The following PRKG1 variants were observed in gnomAD, a reference collection of about 807,000 sequenced individuals.
PRKG1 encodes the protein cGMP-dependent protein kinase 1.
Under a neutral mutation model 88.1 loss-of-function variants are expected in PRKG1, and 35 were observed. The observed-to-expected ratio is 0.40, with a 90% CI of 0.30 to 0.53. The LOEUF (loss-of-function observed/expected upper bound fraction) is 0.53. Ranked by LOEUF, PRKG1 falls within the 20% of genes least tolerant of loss-of-function variation. The pLI is 0.59. For missense variants in PRKG1, 540 were observed against 839.8 expected (o/e 0.64, Z 4.41); for synonymous variants, 303 against 292.5 (o/e 1.04, Z -0.37).
At chr10:52,143,270 G>A (rs935357563) in intron 8 of PRKG1, among the ~76,000 whole-genome samples, 9 of 152,050 alleles carry the variant, frequency 5.9e-5, no homozygotes, top group African/African-American at 2.2e-4. Context: ...TTGTTATAGA[G>A]CAGGGTCCCT....
At chr10:51,256,409 A>G (rs957996441) in intron 2 of PRKG1, among the ~76,000 whole-genome samples, 4 of 152,186 alleles carry the variant, frequency 2.6e-5, no homozygotes, top group African/African-American at 9.7e-5. Flanking sequence ...AATGTACTGT[A>G]CTTCTAGGTA....
chr10:51,726,396 A>G (rs1646431377), intron 3 of PRKG1, among the ~76,000 whole-genome samples: 4 of 152,266 alleles, frequency 2.6e-5, no homozygotes, highest in Admixed American at 1.3e-4. Context: ...ATGTAAAACC[A>G]TTGAAACTTC....
At chr10:50,995,622 C>T (rs1197766575) in intron 1 of PRKG1, among the ~76,000 whole-genome samples, 1 of 152,172 alleles carries the variant, frequency 6.6e-6, no homozygotes, top group Non-Finnish European at 1.5e-5. Context: ...AATGAATATA[C>T]TCCACATCAA....
chr10:51,354,346 G>T (rs1842318767), intron 2 of PRKG1, among the ~76,000 whole-genome samples: 1 of 152,052 alleles, frequency 6.6e-6, no homozygotes, highest in Admixed American at 6.6e-5. Context: ...ATAAATGCTT[G>T]AGGGGATGAA....
chr10:52,281,550 C>T (rs1842003399), intron 13 of PRKG1, among the ~76,000 whole-genome samples: 1 of 152,034 alleles, frequency 6.6e-6, no homozygotes, highest in Admixed American at 6.6e-5. Flanking sequence ...GTAGTTTCAA[C>T]CAAATCGTTT....
chr10:51,840,831 C>T (rs1460179345), intron 4 of PRKG1, among the ~76,000 whole-genome samples: 1 of 152,068 alleles, frequency 6.6e-6, no homozygotes, highest in African/African-American at 2.4e-5. Context: ...CAGGTATGAC[C>T]CACAACACCC....
rs545577786 is a variant in PRKG1, at chr10:51,035,796, A to G, written c.266+44152A>G. On this transcript the variant is annotated intron_variant, in intron 1 of 17. Transcript: ENST00000401604. ...ACTACAAGCTTAAAAAATTGAAATC[A>G]CCTATAACCCTATTATCTAGCAATA... Among the ~76,000 whole-genome samples the G allele has an allele frequency of 2.0e-5, 3 of 152,222 alleles. No homozygotes were observed. In the East Asian group the frequency reaches 5.8e-4, roughly 29 times the overall value.
chr10:51,612,877 C>T (rs761620481), intron 3 of PRKG1, among the ~76,000 whole-genome samples: 1 of 151,930 alleles, frequency 6.6e-6, no homozygotes, highest in Non-Finnish European at 1.5e-5. Flanking sequence ...TTGAGATGAT[C>T]ATATGCTTTT....
chr10:50,991,263 G>A lies in PRKG1; in HGVS notation c.-116G>A, dbSNP rs1034818127. 2.9e-6 allele frequency: 4 copies of A among 1,399,180 alleles called. No homozygotes were observed. The highest frequency in any genetic ancestry group is 3.8e-6 in the Non-Finnish European group (4 of 1,062,168). The allele number at this position is 1,399,180 out of a possible 1,614,324, so 86.7% of individuals were successfully genotyped here. On this transcript the variant is annotated 5_prime_UTR_variant, in exon 1 of 18. Coordinates refer to the PRKG1 transcript ENST00000401604. The surrounding 1 kb of genome is among the most constrained non-coding windows in gnomAD (Gnocchi z 4.5). ...ACTCCGCCGCGCTCGAGTACTTAGC[G>A]CCCATTCACTCGCTCACCCGCGCTC...
chr10:51,738,101 T>C (rs1837338265), intron 3 of PRKG1, among the ~76,000 whole-genome samples: 1 of 152,094 alleles, frequency 6.6e-6, no homozygotes, highest in African/African-American at 2.4e-5. Context: ...CCCAGGATTA[T>C]TCTGATACAC....
intron 10 of PRKG1, among the ~76,000 whole-genome samples, chr10:52,269,720 T>C (rs1171063456): frequency 6.6e-6 from 1 of 152,146 alleles, no homozygotes; most frequent in Non-Finnish European, 1.5e-5. Flanking sequence ...TGGTATCATC[T>C]TGAGGATTCT....
At chr10:51,491,346 T>C (rs1309431996) in intron 3 of PRKG1, among the ~76,000 whole-genome samples, 1 of 152,134 alleles carries the variant, frequency 6.6e-6, no homozygotes, top group Non-Finnish European at 1.5e-5. Context: ...TCCTTTGCTA[T>C]TAAGCATGGC....
At chr10:51,467,262 G>A (rs1454366862) in intron 2 of PRKG1, among the ~76,000 whole-genome samples, 1 of 151,938 alleles carries the variant, frequency 6.6e-6, no homozygotes, top group Non-Finnish European at 1.5e-5. Context: ...TAAATAAAAA[G>A]ATACCATGAG....
At chr10:51,619,675 C>A (rs1839157149) in intron 3 of PRKG1, among the ~76,000 whole-genome samples, 1 of 152,152 alleles carries the variant, frequency 6.6e-6, no homozygotes, top group Non-Finnish European at 1.5e-5. Context: ...CTAAACCCTT[C>A]TGTGCAAGAG....
At chr10:51,213,405 A>G (rs1045860510) in intron 2 of PRKG1, among the ~76,000 whole-genome samples, 1 of 152,244 alleles carries the variant, frequency 6.6e-6, no homozygotes, top group Non-Finnish European at 1.5e-5. Flanking sequence ...GACATGGCAC[A>G]TGTATACATA....
At chr10:51,695,419 T>C (rs1247926174) in intron 3 of PRKG1, 1 of 152,184 alleles carries the variant, frequency 6.6e-6, no homozygotes. Flanking sequence ...TCAGGCCCCA[T>C]GTATATCCAG....
chr10:51,538,859 C>T (rs1356571898), intron 3 of PRKG1, among the ~76,000 whole-genome samples: 2 of 151,982 alleles, frequency 1.3e-5, no homozygotes, highest in Non-Finnish European at 2.9e-5. Flanking sequence ...ATAGAAATGT[C>T]TGCACATATC....
chr10:51,769,895 T>C (rs1466066662), intron 3 of PRKG1, among the ~76,000 whole-genome samples: 1 of 152,170 alleles, frequency 6.6e-6, no homozygotes, highest in Non-Finnish European at 1.5e-5. Context: ...ACTTATAATG[T>C]TTTAAGAAAG....
At chr10:51,653,117 A>C (rs1431141154) in intron 3 of PRKG1, among the ~76,000 whole-genome samples, 1 of 152,202 alleles carries the variant, frequency 6.6e-6, no homozygotes, top group Non-Finnish European at 1.5e-5. Context: ...ATCCCTTTGC[A>C]GACACTTAGG....
Sources: allele counts gnomAD v4.1 joint callset (sites outside exome capture counted in the v4.1 genomes callset), GRCh38; gene constraint gnomAD v4.1.1; non-coding constraint Gnocchi (gnomAD v3.1); transcripts MANE v1.5; gene names NCBI Gene and HGNC (gene_info 2026-07-23, HGNC 2026-07-21).